Variants in COLGALT2 observed in about 807,000 individuals in gnomAD.
COLGALT2 encodes the protein procollagen galactosyltransferase 2.
A neutral mutation model predicts 73.4 loss-of-function variants in COLGALT2; 49 were observed. The observed-to-expected ratio is 0.67, with a 90% CI of 0.53 to 0.85. The LOEUF (loss-of-function observed/expected upper bound fraction) is 0.85, where lower values mean the gene tolerates loss of function less well. Among genes scored for constraint, COLGALT2 ranks in the 40% least tolerant of loss-of-function variants. The probability of loss-of-function intolerance (pLI) is 0.00; values close to 1 mark genes in which losing one functional copy is unlikely to be tolerated. For synonymous variants in COLGALT2, 295 were observed against 307.6 expected (o/e 0.96, Z 0.43); for missense variants, 722 against 790.2 (o/e 0.91, Z 1.03).
intron 5 of COLGALT2, among the ~76,000 whole-genome samples, chr1:183,964,701 A>G (rs1367241647): frequency 6.6e-6 from 1 of 152,204 alleles, no homozygotes; most frequent in Non-Finnish European, 1.5e-5. Flanking sequence ...TCTCATATTC[A>G]AATTGTTCTT....
At chr1:184,010,102 T>G (rs960850305) in intron 1 of COLGALT2, among the ~76,000 whole-genome samples, 1 of 152,118 alleles carries the variant, frequency 6.6e-6, no homozygotes, top group Non-Finnish European at 1.5e-5. Context: ...GGCTCTGGGG[T>G]CTAGATTTTT....
At chr1:184,024,345 T>C (rs1381690883) in intron 1 of COLGALT2, among the ~76,000 whole-genome samples, 1 of 150,414 alleles carries the variant, frequency 6.6e-6, no homozygotes, top group East Asian at 1.9e-4. Flanking sequence ...TTTCAGCTTT[T>C]TTCTTTTTCT....
chr1:184,003,297 C>G (rs531624894), intron 1 of COLGALT2, among the ~76,000 whole-genome samples: 1 of 152,326 alleles, frequency 6.6e-6, no homozygotes, highest in South Asian at 2.1e-4. Flanking sequence ...GGCAAGGCAG[C>G]TTTCTCTGTG....
At chr1:183,986,713 AT>A (rs1671498127) in intron 1 of COLGALT2, among the ~76,000 whole-genome samples, 1 of 152,222 alleles carries the variant, frequency 6.6e-6, no homozygotes, top group African/African-American at 2.4e-5. Flanking sequence ...ACTTCTCAAC[AT>A]TATGCCACAC....
chr1:184,003,307 G>T (rs972713394), intron 1 of COLGALT2, among the ~76,000 whole-genome samples: 12 of 152,306 alleles, frequency 7.9e-5, no homozygotes, highest in African/African-American at 2.6e-4. Context: ...CTTTCTCTGT[G>T]TTGGCCAAAA....
chr1:183,959,076 A>G (rs1475608561), intron 6 of COLGALT2, among the ~76,000 whole-genome samples: 3 of 152,098 alleles, frequency 2.0e-5, no homozygotes, highest in Non-Finnish European at 4.4e-5. Flanking sequence ...CTCTCTCTTG[A>G]CAGAACCAAT....
At chr1:183,968,226 C>T (rs557328276) in intron 5 of COLGALT2, among the ~76,000 whole-genome samples, 178 of 152,320 alleles carry the variant, frequency 1.2e-3, no homozygotes, top group Non-Finnish European at 1.9e-3. Flanking sequence ...ATTTCTGGCA[C>T]ATTAATAATG....
At chr1:184,034,277 T>G (rs954497895) in intron 1 of COLGALT2, among the ~76,000 whole-genome samples, 1 of 96,360 alleles carries the variant, frequency 1.0e-5, no homozygotes, top group Non-Finnish European at 2.1e-5. Context: ...TGCCCTATTA[T>G]CTTTTTTTTT....
chr1:183,954,614 C>A, intron 7 of COLGALT2, 148 bp downstream of exon 7: 1 of 492,358 alleles, frequency 2.0e-6, no homozygotes. Flanking sequence ...CAACAAAAAC[C>A]AAGTAGTTTT....
chr1:183,932,580 GGA>G (rs1465607923), downstream of COLGALT2, among the ~76,000 whole-genome samples: 3 of 152,138 alleles, frequency 2.0e-5, no homozygotes, highest in Non-Finnish European at 4.4e-5. Context: ...GCTGCTCTGG[GGA>G]GAGACTGACT....
chr1:184,030,252 C>T (rs1649465804), intron 1 of COLGALT2, among the ~76,000 whole-genome samples: 1 of 152,188 alleles, frequency 6.6e-6, no homozygotes, highest in African/African-American at 2.4e-5. Flanking sequence ...GAACAAGTCA[C>T]TCTTTTGAAA....
chr1:183,990,148 G>T (rs922772609), intron 1 of COLGALT2, among the ~76,000 whole-genome samples: 1 of 152,192 alleles, frequency 6.6e-6, no homozygotes, highest in African/African-American at 2.4e-5. Context: ...CCTAGTAATA[G>T]AATTTTTAGC....
intron 7 of COLGALT2, among the ~76,000 whole-genome samples, chr1:183,952,855 C>T (rs1047465289): frequency 6.6e-6 from 1 of 152,146 alleles, no homozygotes; most frequent in African/African-American, 2.4e-5. Flanking sequence ...GACTTTATAA[C>T]TTAATGGGTT....
downstream of COLGALT2, among the ~76,000 whole-genome samples, chr1:183,932,078 G>A (rs1669860118): frequency 6.6e-6 from 1 of 152,182 alleles, no homozygotes; most frequent in East Asian, 1.9e-4. Context: ...GGTTAGAAGT[G>A]CCAGCTTTAT....
At chr1:183,983,813 A>T (rs751272978) in intron 1 of COLGALT2, among the ~76,000 whole-genome samples, 1 of 152,230 alleles carries the variant, frequency 6.6e-6, no homozygotes, top group Non-Finnish European at 1.5e-5. Flanking sequence ...CCTCCTCCCA[A>T]CCAGACCAGA....
chr1:183,973,842 T>C, intron 3 of COLGALT2, 92 bp from the exon 4 acceptor site: 1 of 1,262,994 alleles, frequency 7.9e-7, no homozygotes, highest in Non-Finnish European at 1.1e-6. Flanking sequence ...TCCCAGAAAC[T>C]TGCTCATGAC....
intron 1 of COLGALT2, among the ~76,000 whole-genome samples, chr1:184,013,327 CAAACA>C (rs1248748373): frequency 6.6e-6 from 1 of 152,152 alleles, no homozygotes; most frequent in African/African-American, 2.4e-5. Flanking sequence ...AACAAACAAA[CAAACA>C]AAACAGCATT....
At chr1:184,032,891 C>T (rs551191875) in intron 1 of COLGALT2, among the ~76,000 whole-genome samples, 9 of 152,158 alleles carry the variant, frequency 5.9e-5, no homozygotes, top group Non-Finnish European at 5.9e-5. Context: ...TCAAGATAAT[C>T]CCCAAACAAT....
chr1:184,014,369 C>T (rs1648931281), intron 1 of COLGALT2, among the ~76,000 whole-genome samples: 1 of 152,122 alleles, frequency 6.6e-6, no homozygotes, highest in Non-Finnish European at 1.5e-5. Flanking sequence ...TTGAATGCAG[C>T]AGAAAGGGGA....
Sources: allele counts gnomAD v4.1 joint callset (sites outside exome capture counted in the v4.1 genomes callset), GRCh38; gene constraint gnomAD v4.1.1; transcripts MANE v1.5; gene names NCBI Gene and HGNC (gene_info 2026-07-23, HGNC 2026-07-21).